LRRC37A2: variants seen among roughly 807,000 people sequenced by gnomAD.
The protein encoded by LRRC37A2 is leucine-rich repeat-containing protein 37A2.
In LRRC37A2, 9 loss-of-function variants were observed where a neutral mutation model predicts 68.8. That is an observed-to-expected ratio of 0.13 (90% CI 0.08 to 0.23). LRRC37A2 has a LOEUF of 0.23. Ranked by LOEUF, LRRC37A2 falls within the 10% of genes least tolerant of loss-of-function variation. The pLI is 1.00. For missense variants in LRRC37A2, 168 were observed against 950.4 expected (o/e 0.18, Z 10.82); for synonymous variants, 63 against 367.6 (o/e 0.17, Z 9.48).
the LRRC37A2 span, among the ~76,000 whole-genome samples, chr17:47,009,030 G>A: frequency 4.0e-5 from 6 of 150,634 alleles, no homozygotes; most frequent in Admixed American, 1.3e-4. Flanking sequence ...TTTATTACTC[G>A]CTTCAATATG....
At chr17:46,807,322 A>T in the LRRC37A2 span, among the ~76,000 whole-genome samples, 1 of 152,204 alleles carries the variant, frequency 6.6e-6, no homozygotes, top group Admixed American at 6.5e-5. Flanking sequence ...ATCTCTACTG[A>T]AAATACAAAA....
At chr17:46,822,614 G>A in the LRRC37A2 span, among the ~76,000 whole-genome samples, 3 of 152,234 alleles carry the variant, frequency 2.0e-5, no homozygotes, top group East Asian at 5.8e-4. Flanking sequence ...TGTTGCTGGT[G>A]AGCAGCCCGG....
chr17:47,026,625 C>T, the LRRC37A2 span, among the ~76,000 whole-genome samples: 2,430 of 152,214 alleles, frequency 0.016, 27 homozygotes, highest in Middle Eastern at 0.041. Context: ...AGCCAGACAA[C>T]GTTACACCAT....
the LRRC37A2 span, among the ~76,000 whole-genome samples, chr17:46,960,325 A>T: frequency 2.2e-4 from 34 of 152,340 alleles, no homozygotes; most frequent in East Asian, 6.4e-3. Flanking sequence ...ATACATACAA[A>T]CAAACACAAC....
At chr17:46,991,491 G>C in the LRRC37A2 span, among the ~76,000 whole-genome samples, 16 of 152,180 alleles carry the variant, frequency 1.1e-4, no homozygotes, top group Admixed American at 8.5e-4. Context: ...AGCCGGGTGT[G>C]GTGGTGCACC....
At chr17:46,846,083 G>A in the LRRC37A2 span, among the ~76,000 whole-genome samples, 3 of 152,136 alleles carry the variant, frequency 2.0e-5, no homozygotes, top group African/African-American at 2.4e-5. Context: ...GAACCACCGT[G>A]CCCGGCCATG....
chr17:46,894,166 C>T, the LRRC37A2 span, among the ~76,000 whole-genome samples: 1 of 152,216 alleles, frequency 6.6e-6, no homozygotes, highest in African/African-American at 2.4e-5. Context: ...AACAAATTCA[C>T]CCTGGCTTTG....
chr17:46,725,443 T>G, the LRRC37A2 span, among the ~76,000 whole-genome samples: 1 of 152,162 alleles, frequency 6.6e-6, no homozygotes, highest in East Asian at 1.9e-4. Flanking sequence ...ATTAAATATC[T>G]GGAGAAATTG....
At chr17:46,494,693 G>A in the LRRC37A2 span, among the ~76,000 whole-genome samples, 8 of 151,576 alleles carry the variant, frequency 5.3e-5, no homozygotes, top group East Asian at 1.6e-3. Context: ...TTTTTTCACT[G>A]TTTCCTTAAG....
chr17:46,784,310 G>A, the LRRC37A2 span, among the ~76,000 whole-genome samples: 1 of 152,182 alleles, frequency 6.6e-6, no homozygotes, highest in Admixed American at 6.5e-5. Flanking sequence ...GGAACAAGAC[G>A]AGGAAGTGCG....
At position 46,539,768 on chromosome 17, in the gene LRRC37A2, C is replaced by CA. The variant is rs1204528686; in HGVS notation, c.2907-386dup. On this transcript the variant is annotated intron_variant, in intron 6 of 14. Coordinates refer to ENST00000576629, the Ensembl canonical transcript of LRRC37A2. ...GGGCAACAAGAGCGAGACTCCATCT[C>CA]AAAAAAAAAAAAAAAAAAAAAATAG... Among the ~76,000 whole-genome samples, 133 of 66,988 alleles carry CA rather than the reference C, an allele frequency of 2.0e-3. 1 individual carries two copies. Among genetic ancestry groups the CA allele is most frequent in the African/African-American group, 6.8e-3 (92 of 13,516 alleles). The allele number at this position is 66,988 out of a possible 152,430, so 43.9% of individuals were successfully genotyped here.
chr17:46,572,926 GAC>G, the LRRC37A2 span, among the ~76,000 whole-genome samples: 1 of 95,794 alleles, frequency 1.0e-5, no homozygotes, highest in African/African-American at 4.2e-5. Flanking sequence ...GAGAGAGAGA[GAC>G]AGAGATGGGA....
At chr17:46,790,013 C>A in the LRRC37A2 span, among the ~76,000 whole-genome samples, 4 of 152,142 alleles carry the variant, frequency 2.6e-5, no homozygotes, top group African/African-American at 7.2e-5. Context: ...ACCTGGACTT[C>A]CCCCACTCTA....
the LRRC37A2 span, chr17:46,940,577 A>C: frequency 3.1e-6 from 5 of 1,614,206 alleles, no homozygotes; most frequent in Non-Finnish European, 4.2e-6. Context: ...CCTGCCAGAC[A>C]GCACACTTTG....
chr17:46,476,517 A>G, the LRRC37A2 span, among the ~76,000 whole-genome samples: 1 of 92,670 alleles, frequency 1.1e-5, no homozygotes, highest in Admixed American at 1.0e-4. Context: ...CCCCTTCTCT[A>G]CTAAAAATAC....
the LRRC37A2 span, chr17:47,021,831 A>C: frequency 6.9e-7 from 1 of 1,444,240 alleles, no homozygotes; most frequent in African/African-American, 1.4e-5. Flanking sequence ...TCAAGGATAT[A>C]AACTGTGTTT....
At chr17:46,583,583 CGGTG>C in the LRRC37A2 span, among the ~76,000 whole-genome samples, 1 of 78,878 alleles carries the variant, frequency 1.3e-5, no homozygotes, top group African/African-American at 3.6e-5. Flanking sequence ...GCGTGAGCCA[CGGTG>C]CCCAGCAAGG....
chr17:46,800,679 C>T, the LRRC37A2 span, among the ~76,000 whole-genome samples: 2 of 152,226 alleles, frequency 1.3e-5, no homozygotes, highest in Admixed American at 6.5e-5. Context: ...AGGTGACTCT[C>T]AACAGTGTCC....
chr17:46,913,060 C>T, the LRRC37A2 span, among the ~76,000 whole-genome samples: 1 of 152,224 alleles, frequency 6.6e-6, no homozygotes, highest in Non-Finnish European at 1.5e-5. Context: ...CGAGCCACGG[C>T]TGTCCCAGTG....
Sources: gnomAD v4.1 joint callset for allele counts (sites outside exome capture counted in the v4.1 genomes callset) on GRCh38, gnomAD v4.1.1 for gene constraint, MANE v1.5 for transcripts, NCBI Gene and HGNC (gene_info 2026-07-23, HGNC 2026-07-21) for gene names.